INPP4B: variants seen among roughly 807,000 people sequenced by gnomAD.
INPP4B encodes inositol polyphosphate-4-phosphatase type II B.
Under a neutral mutation model 122.5 loss-of-function variants are expected in INPP4B, and 55 were observed. The ratio of observed to expected loss-of-function variants is 0.45; its 90% CI spans 0.36 to 0.56. INPP4B has a LOEUF of 0.56. Ranked by LOEUF, INPP4B falls within the 20% of genes least tolerant of loss-of-function variation. The pLI, the probability that INPP4B is intolerant of heterozygous loss-of-function variation, is 0.00. For synonymous variants in INPP4B, 403 were observed against 388.7 expected (o/e 1.04, Z -0.43); for missense variants, 1,000 against 1,097.7 (o/e 0.91, Z 1.26).
At position 142,441,478 on chromosome 4, in the gene INPP4B, C is replaced by T. The variant is rs78841034; in HGVS notation, c.-126-10093G>A. Among the ~76,000 whole-genome samples the T allele has an allele frequency of 7.9e-3, 1,197 of 152,196 alleles. 36 individuals carry two copies. Among genetic ancestry groups the T allele is most frequent in the Admixed American group, 0.05 (770 of 15,264 alleles). On this transcript the variant is annotated intron_variant, in intron 3 of 25. Coordinates refer to ENST00000262992, the MANE Select transcript of INPP4B (RefSeq NM_001101669.3). ...CAAGGATAGTTAATTTAGTTTTACT[C>T]ATGTTGTTCTGAGGTGCCTTAGAAA...
intron 17 of INPP4B, among the ~76,000 whole-genome samples, chr4:142,155,354 C>T (rs184242328): frequency 2.1e-4 from 32 of 152,092 alleles, no homozygotes; most frequent in Admixed American, 1.0e-3. Flanking sequence ...TTTCTGTAGA[C>T]GTAATGTTTT....
chr4:142,287,220 T>C (rs1383563667), intron 9 of INPP4B: 2 of 152,236 alleles, frequency 1.3e-5, no homozygotes, highest in Non-Finnish European at 2.9e-5. Context: ...GGCATTGAGT[T>C]CCCTACTTTC....
chr4:142,257,044 G>A (rs1402943751), intron 11 of INPP4B, among the ~76,000 whole-genome samples: 1 of 152,122 alleles, frequency 6.6e-6, no homozygotes, highest in African/African-American at 2.4e-5. Flanking sequence ...TGCAAGGCTG[G>A]TTCAATATAC....
At chr4:142,072,830 A>T (rs951874918) in intron 25 of INPP4B, among the ~76,000 whole-genome samples, 1 of 152,106 alleles carries the variant, frequency 6.6e-6, no homozygotes, top group African/African-American at 2.4e-5. Flanking sequence ...TATAAGTTTG[A>T]CTTTACCAAC....
chr4:142,104,004 T>C (rs1028864887), intron 23 of INPP4B, among the ~76,000 whole-genome samples: 2 of 152,190 alleles, frequency 1.3e-5, no homozygotes, highest in Non-Finnish European at 2.9e-5. Context: ...CCTGTTTTTC[T>C]TTCTTAGCTC....
chr4:142,622,737 TA>T (rs1382716710), intron 2 of INPP4B, among the ~76,000 whole-genome samples: 4 of 151,990 alleles, frequency 2.6e-5, no homozygotes, highest in Non-Finnish European at 4.4e-5. Flanking sequence ...GAGTTTACTC[TA>T]AAACCTCAGC....
Position 142,468,563 on chromosome 4 carries a change from C to T in INPP4B, c.-190-5837G>A, listed in dbSNP as rs115323655. Among the ~76,000 whole-genome samples, 814 of 152,216 alleles carry T rather than the reference C, an allele frequency of 5.3e-3. 5 individuals carry two copies. Among genetic ancestry groups the T allele is most frequent in the Middle Eastern group, 0.01 (3 of 294 alleles). Reference sequence around the variant, plus strand: ...GATTCCTCATGAAAAGATTAATGCCCCTCTCCGGGGAGAGTAAGTGAGTCC... The same window carrying T: ...GATTCCTCATGAAAAGATTAATGCCTCTCTCCGGGGAGAGTAAGTGAGTCC... On this transcript the variant is annotated intron_variant, in intron 2 of 25. Coordinates refer to ENST00000262992, the MANE Select transcript of INPP4B (RefSeq NM_001101669.3).
At chr4:142,839,137 A>T (rs756112680) in intron 1 of INPP4B, among the ~76,000 whole-genome samples, 9 of 152,222 alleles carry the variant, frequency 5.9e-5, no homozygotes, top group Non-Finnish European at 1.3e-4. Context: ...TGGGTCTGCT[A>T]TATCTACAAT....
intron 2 of INPP4B, among the ~76,000 whole-genome samples, chr4:142,644,977 T>C (rs1265828829): frequency 6.6e-6 from 1 of 151,038 alleles, no homozygotes; most frequent in African/African-American, 2.4e-5. Context: ...ATTTATTCTA[T>C]GGAGAAAGAA....
At chr4:142,095,128 C>T (rs1781268497) in intron 23 of INPP4B, among the ~76,000 whole-genome samples, 1 of 152,092 alleles carries the variant, frequency 6.6e-6, no homozygotes. Context: ...TAATTTTATC[C>T]TTGAGACTTC....
intron 24 of INPP4B, among the ~76,000 whole-genome samples, chr4:142,083,200 G>C (rs1486863954): frequency 6.6e-6 from 1 of 152,098 alleles, no homozygotes. Context: ...TACGGATGAG[G>C]ATACTGAGGT....
In INPP4B at chr4:142,193,123, C is replaced by T. The variant is rs768222990; in HGVS notation, c.1145G>A (p.Arg382Gln). ...HFQGFKNGGL[R>Q]KLLHRFETER... is the part of the protein sequence containing the mutation. ...TGTTTCAAATCTATGGAGTAGCTTCCGAAGACCACCATTCTTAAATCCCTG... is the reference window on the plus strand; with the variant it reads ...TGTTTCAAATCTATGGAGTAGCTTCTGAAGACCACCATTCTTAAATCCCTG... Residue 382 changes from arginine (R) to glutamine (Q), a missense_variant, in exon 15 of 26, where the codon CGG becomes CAG. Arg to Gln is a conservative substitution (Grantham distance 43, BLOSUM62 1). Transcript: ENST00000262992. 149 of 1,612,458 alleles carry T rather than the reference C, an allele frequency of 9.2e-5. No individual in the cohort carries two copies. Among genetic ancestry groups the T allele is most frequent in the East Asian group, 8.9e-5 (4 of 44,844 alleles).
chr4:142,464,555 T>C (rs1405448272), intron 2 of INPP4B, among the ~76,000 whole-genome samples: 1 of 151,966 alleles, frequency 6.6e-6, no homozygotes, highest in East Asian at 1.9e-4. Flanking sequence ...AGTTTTTCTT[T>C]AGATTTCTCA....
chr4:142,566,067 T>G (rs2150140159), intron 2 of INPP4B: 1 of 152,294 alleles, frequency 6.6e-6, no homozygotes, highest in Admixed American at 6.5e-5. Context: ...TACACTCATA[T>G]GTGTTAGAGG....
At chr4:142,174,755 G>C (rs574321715) in intron 15 of INPP4B, among the ~76,000 whole-genome samples, 1 of 152,028 alleles carries the variant, frequency 6.6e-6, no homozygotes, top group African/African-American at 2.4e-5. Flanking sequence ...CTCTTGAGTA[G>C]CTGGGACTAC....
chr4:142,371,499 G>A (rs537776883), intron 7 of INPP4B, among the ~76,000 whole-genome samples: 1 of 152,082 alleles, frequency 6.6e-6, no homozygotes, highest in East Asian at 1.9e-4. Flanking sequence ...CCTGTAGAAC[G>A]GAAGAAAATA....
At chr4:142,764,548 GT>G (rs1296789990) in intron 1 of INPP4B, among the ~76,000 whole-genome samples, 1 of 152,150 alleles carries the variant, frequency 6.6e-6, no homozygotes, top group African/African-American at 2.4e-5. Flanking sequence ...TAACCATCTT[GT>G]TTTGACAAGA....
At chr4:142,428,577 A>T (rs1039158701) in intron 5 of INPP4B, among the ~76,000 whole-genome samples, 5 of 151,968 alleles carry the variant, frequency 3.3e-5, no homozygotes, top group Non-Finnish European at 5.9e-5. Context: ...CTCATTAGTT[A>T]AGTAGTGGAC....
At chr4:142,346,900 T>C (rs569368904) in intron 7 of INPP4B, among the ~76,000 whole-genome samples, 2 of 152,184 alleles carry the variant, frequency 1.3e-5, no homozygotes, top group Admixed American at 1.3e-4. Context: ...CCAGCCATCC[T>C]ATTATTGACC....
Sources: gnomAD v4.1 joint callset for allele counts (sites outside exome capture counted in the v4.1 genomes callset) on GRCh38, gnomAD v4.1.1 for gene constraint, MANE v1.5 for transcripts, NCBI Gene and HGNC (gene_info 2026-07-23, HGNC 2026-07-21) for gene names.